Variants in LRRC37A3 observed in about 807,000 individuals in gnomAD.
The protein encoded by LRRC37A3 is leucine-rich repeat-containing protein 37A3.
LRRC37A3 carries 25 observed loss-of-function variants against 106.2 expected under a neutral mutation model. The ratio of observed to expected loss-of-function variants is 0.24; its 90% CI spans 0.17 to 0.33. The LOEUF is 0.33. LRRC37A3 is among the 10% of genes least tolerant of loss of function. The probability of loss-of-function intolerance (pLI) is 1.00; values close to 1 mark genes in which losing one functional copy is unlikely to be tolerated. For synonymous variants in LRRC37A3, 305 were observed against 635.8 expected, an observed-to-expected ratio of 0.48 and a Z score of 7.83; for missense variants, 712 against 1,644.9, an observed-to-expected ratio of 0.43 and a Z score of 9.81.
chr17:64,914,559 T>TAAAAAC (rs1164176191), intron 2 of LRRC37A3, among the ~76,000 whole-genome samples: 17 of 151,796 alleles, frequency 1.1e-4, no homozygotes, highest in Non-Finnish European at 1.9e-4. Flanking sequence ...ATTTTGTCTT[T>TAAAAAC]AAAAACAAAA....
At position 64,860,313 on chromosome 17, in the gene LRRC37A3, G is replaced by A; in HGVS notation, c.3833C>T (p.Ala1278Val). 5 of 1,613,978 alleles carry A rather than the reference G, an allele frequency of 3.1e-6. No homozygotes were observed. Among genetic ancestry groups the A allele is most frequent in the Non-Finnish European group, 4.2e-6 (5 of 1,179,876 alleles). ...CTTTGCACTTTCTAAAATGGAAATA[G>A]CGTGGGTTAAGTCTTTCCATCTGTC... ...VRDRWKDLTHAISILESAKAR... is the reference protein window; with the variant it reads ...VRDRWKDLTHVISILESAKAR... Residue 1278 changes from alanine (A) to valine (V), a missense_variant, in exon 12 of 15, where the codon GCT (alanine) becomes GTT (valine). Coordinates refer to ENST00000584306, the MANE Select transcript of LRRC37A3 (RefSeq NM_199340.5).
At chr17:64,884,460 G>A (rs888180050) in intron 8 of LRRC37A3, among the ~76,000 whole-genome samples, 82 of 151,442 alleles carry the variant, frequency 5.4e-4, no homozygotes, top group South Asian at 3.1e-3. Flanking sequence ...CCGTCTCCTG[G>A]TTTCAAGTGA....
At chr17:64,866,137 A>C (rs1339000271) in intron 10 of LRRC37A3, among the ~76,000 whole-genome samples, 3 of 151,798 alleles carry the variant, frequency 2.0e-5, no homozygotes, top group Non-Finnish European at 4.4e-5. Flanking sequence ...ATCATTACAG[A>C]GGATGAGAGC....
chr17:64,875,747 C>T (rs1262860123), intron 8 of LRRC37A3, among the ~76,000 whole-genome samples: 1 of 151,944 alleles, frequency 6.6e-6, no homozygotes, highest in Non-Finnish European at 1.5e-5. Flanking sequence ...AAAGATTGTG[C>T]CACTGCACTC....
Position 64,854,924 on chromosome 17 carries a change from G to A in LRRC37A3, c.4860-280C>T, listed in dbSNP as rs1021390998. On this transcript the variant is annotated intron_variant, in intron 14 of 14. Coordinates refer to ENST00000584306, the MANE Select transcript of LRRC37A3 (RefSeq NM_199340.5). Reference sequence around the variant, plus strand: ...GCTATCGTGGCTCCCTGCAACCTGCGCCTCCTGGCTTCAAGCAGTTCTCCT... The same window carrying A: ...GCTATCGTGGCTCCCTGCAACCTGCACCTCCTGGCTTCAAGCAGTTCTCCT... 2.6e-5 allele frequency among the ~76,000 whole-genome samples: 4 copies of A among 152,166 alleles called. No homozygotes were observed. In the South Asian group the frequency reaches 6.2e-4, roughly 24 times the overall value.
At chr17:64,909,666 A>G (rs1974539648) in intron 2 of LRRC37A3, 1 of 152,368 alleles carries the variant, frequency 6.6e-6, no homozygotes, top group Non-Finnish European at 1.5e-5. Context: ...GATTTTGGAA[A>G]CTGATGCAAG....
rs1453303114 is a variant in LRRC37A3, at chr17:64,859,349, G to C, written c.4704+93C>G. On this transcript the variant is annotated intron_variant, in intron 12 of 14. Coordinates refer to ENST00000584306, the MANE Select transcript of LRRC37A3 (RefSeq NM_199340.5). ...AGTTACATGGCCAAGATAAGCTATG[G>C]CCTGGGAGTCCCAGATTCTTCTGTG... The C allele has an allele frequency of 5.9e-6, 8 of 1,352,096 alleles. No homozygotes were observed. The African/African-American group carries it at 1.2e-4, about 20-fold the overall frequency. 83.8% of individuals were successfully genotyped at this position (1,352,096 alleles called of 1,614,324 possible). A position where few individuals can be genotyped will look rare whatever the true frequency, so the allele number is the denominator to read the frequency against.
At chr17:64,857,487 G>A (rs1349279998) in intron 13 of LRRC37A3, among the ~76,000 whole-genome samples, 1 of 152,174 alleles carries the variant, frequency 6.6e-6, no homozygotes, top group Non-Finnish European at 1.5e-5. Flanking sequence ...TCCCAAGATA[G>A]TTTTTGGTGG....
rs759138395 is a variant in LRRC37A3 at position 64,860,986 on chromosome 17, AAG to A, written c.3173-15_3173-14del. ...GATGCTTCTTCAGCTGTCAAAAAAGAAGAGACTGCTTTGATCATGAAAGATGA... is the reference window on the plus strand; with the variant it reads ...GATGCTTCTTCAGCTGTCAAAAAAGAAGACTGCTTTGATCATGAAAGATGA... On this transcript the variant is annotated splice_polypyrimidine_tract_variant and intron_variant, in intron 11 of 14. Coordinates refer to ENST00000584306, the MANE Select transcript of LRRC37A3 (RefSeq NM_199340.5). The A allele has an allele frequency of 6.2e-7, 1 of 1,613,730 alleles. No individual in the cohort carries two copies. The highest frequency in any genetic ancestry group is 8.5e-7 in the Non-Finnish European group (1 of 1,179,874).
chr17:64,867,413 C>T (rs902398947), intron 10 of LRRC37A3, among the ~76,000 whole-genome samples: 2 of 151,866 alleles, frequency 1.3e-5, no homozygotes, highest in African/African-American at 4.8e-5. Flanking sequence ...GAATACTACT[C>T]AGCAATAAAA....
chr17:64,875,999 T>C (rs1973500678), intron 8 of LRRC37A3, among the ~76,000 whole-genome samples: 1 of 152,148 alleles, frequency 6.6e-6, no homozygotes, highest in Non-Finnish European at 1.5e-5. Context: ...AATTAAGATG[T>C]AGCTGAGACG....
intron 14 of LRRC37A3, among the ~76,000 whole-genome samples, chr17:64,854,878 C>A (rs938360620): frequency 6.6e-6 from 1 of 152,172 alleles, no homozygotes; most frequent in Non-Finnish European, 1.5e-5. Flanking sequence ...TGGCTCATTC[C>A]CCAGGCTGGA....
chr17:64,918,544 G>C (rs940190168), intron 2 of LRRC37A3, among the ~76,000 whole-genome samples: 1 of 152,140 alleles, frequency 6.6e-6, no homozygotes, highest in African/African-American at 2.4e-5. Flanking sequence ...CAAAGCAAAA[G>C]CTACAAGAAA....
At chr17:64,881,736 G>A (rs1973706731) in intron 8 of LRRC37A3, among the ~76,000 whole-genome samples, 1 of 151,144 alleles carries the variant, frequency 6.6e-6, no homozygotes, top group Non-Finnish European at 1.5e-5. Flanking sequence ...ACAGCACAAA[G>A]CAATTTGAGG....
chr17:64,864,368 A>G (rs1296119346), intron 10 of LRRC37A3, among the ~76,000 whole-genome samples: 1 of 152,254 alleles, frequency 6.6e-6, no homozygotes, highest in Non-Finnish European at 1.5e-5. Context: ...CAAAGAAAGT[A>G]GAGGCATGTT....
intron 2 of LRRC37A3, among the ~76,000 whole-genome samples, chr17:64,912,616 AAAAC>A (rs376948385): frequency 2.7e-4 from 40 of 148,516 alleles, no homozygotes; most frequent in African/African-American, 8.7e-4. Flanking sequence ...AAATAACCAG[AAAAC>A]AAATAATAAA....
chr17:64,866,220 G>T (rs1462751645), intron 10 of LRRC37A3, among the ~76,000 whole-genome samples: 1 of 151,806 alleles, frequency 6.6e-6, no homozygotes, highest in Non-Finnish European at 1.5e-5. Context: ...AAGTGAGAAA[G>T]CTGGTCGATG....
chr17:64,904,326 T>C (rs1974399438), intron 2 of LRRC37A3, among the ~76,000 whole-genome samples: 1 of 152,270 alleles, frequency 6.6e-6, no homozygotes, highest in Non-Finnish European at 1.5e-5. Flanking sequence ...GAAAAAATAA[T>C]TAGCCACATG....
intron 11 of LRRC37A3, among the ~76,000 whole-genome samples, chr17:64,861,372 C>T (rs1162319521): frequency 6.6e-6 from 1 of 152,222 alleles, no homozygotes; most frequent in Non-Finnish European, 1.5e-5. Flanking sequence ...GCACAAGGCT[C>T]CTGCTCACCT....
Sources: gnomAD v4.1 joint callset for allele counts (sites outside exome capture counted in the v4.1 genomes callset) on GRCh38, gnomAD v4.1.1 for gene constraint, MANE v1.5 for transcripts, NCBI Gene and HGNC (gene_info 2026-07-23, HGNC 2026-07-21) for gene names.